LYPLA1: variants seen among roughly 807,000 people sequenced by gnomAD.
LYPLA1 encodes the protein acyl-protein thioesterase 1.
In LYPLA1, 17 loss-of-function variants were observed where a neutral mutation model predicts 34.0. That is an observed-to-expected ratio of 0.50 (90% CI 0.34 to 0.75). The LOEUF is 0.75. LYPLA1 is among the 30% of genes least tolerant of loss of function. The probability of loss-of-function intolerance (pLI) is 0.01; values close to 1 mark genes in which losing one functional copy is unlikely to be tolerated. For synonymous variants in LYPLA1, 98 were observed against 100.8 expected (o/e 0.97, Z 0.17); for missense variants, 203 against 288.8 (o/e 0.70, Z 2.15).
At chr8:54,043,589 G>A (rs547840988), downstream of LYPLA1, among the ~76,000 whole-genome samples, 2 of 150,896 alleles carry the variant, frequency 1.3e-5, no homozygotes, top group Non-Finnish European at 3.0e-5. Context: ...TATTTTTTAG[G>A]CAAAGTTTAC....
chr8:54,094,158 T>C (rs560084084), intron 2 of LYPLA1, among the ~76,000 whole-genome samples: 14 of 152,356 alleles, frequency 9.2e-5, no homozygotes, highest in African/African-American at 3.1e-4. Context: ...TATACTTTTA[T>C]AATCTCCTTG....
chr8:54,076,808 T>G (rs1807940956), intron 2 of LYPLA1, among the ~76,000 whole-genome samples: 1 of 152,160 alleles, frequency 6.6e-6, no homozygotes, highest in Non-Finnish European at 1.5e-5. Context: ...AGGGACACTT[T>G]TAATTAATTT....
Position 54,063,377 on chromosome 8 carries a change from T to TA in LYPLA1, c.168-3dup. On this transcript the variant is annotated splice_region_variant and splice_polypyrimidine_tract_variant and intron_variant, in intron 3 of 8. Coordinates refer to ENST00000316963, the MANE Select transcript of LYPLA1 (RefSeq NM_006330.4). ...TTTAATGTAACAGGCCTAACAGGCC[T>TA]ACATGGAAAAGAAAAAACAACAAAA... 1 of 1,531,680 alleles carries TA rather than the reference T, an allele frequency of 6.5e-7. No individual in the cohort carries two copies. Among genetic ancestry groups the TA allele is most frequent in the Non-Finnish European group, 8.8e-7 (1 of 1,136,450 alleles). 94.9% of individuals were successfully genotyped at this position (1,531,680 alleles called of 1,614,324 possible). A position where few individuals can be genotyped will look rare whatever the true frequency, so the allele number is the denominator to read the frequency against.
At position 54,063,344 on chromosome 8, in the gene LYPLA1, C is replaced by T. The variant is rs145050847; in HGVS notation, c.199G>A (p.Val67Met). The change falls in exon 4 of 9, where the codon GTG becomes ATG. Residue 67 changes from valine (V) to methionine (M), a missense_variant. Transcript: ENST00000316963. Reference protein sequence around the residue: ...PVRPVTLNMNVAMPSWFDIIG... With the variant: ...PVRPVTLNMNMAMPSWFDIIG... ...CTTACTTACCATGAAGGCATAGCCACGTTCATATTTAATGTAACAGGCCTA... is the reference window on the plus strand; with the variant it reads ...CTTACTTACCATGAAGGCATAGCCATGTTCATATTTAATGTAACAGGCCTA... 4.5e-5 allele frequency: 69 copies of T among 1,533,936 alleles called. No homozygotes were observed. The highest frequency in any genetic ancestry group is 4.7e-5 in the Non-Finnish European group (53 of 1,137,182).
intron 1 of LYPLA1, 83 bp downstream of exon 1, chr8:54,101,671 GC>G (rs1007114545): frequency 1.7e-6 from 2 of 1,176,668 alleles, no homozygotes; most frequent in African/African-American, 3.2e-5. Context: ...GCCGCCACGC[GC>G]CCGCAACGCC....
At chr8:54,049,172 G>A (rs902275345) in intron 8 of LYPLA1, among the ~76,000 whole-genome samples, 6 of 152,088 alleles carry the variant, frequency 3.9e-5, no homozygotes, top group African/African-American at 9.7e-5. Flanking sequence ...CTCTTTCTCC[G>A]TCCCTAAATT....
chr8:54,073,260 T>TG, intron 2 of LYPLA1: 1 of 875,052 alleles, frequency 1.1e-6, no homozygotes. Context: ...GCTGTCTGAA[T>TG]GGGGGAACCT....
chr8:54,056,250 C>T (rs1348660564), intron 5 of LYPLA1, among the ~76,000 whole-genome samples: 1 of 152,086 alleles, frequency 6.6e-6, no homozygotes, highest in Non-Finnish European at 1.5e-5. Flanking sequence ...TATCCATATG[C>T]AGAAGAATAA....
rs548353406 is a variant in LYPLA1 at position 54,099,505 on chromosome 8, C to G, written c.101+1403G>C. 1.1e-3 allele frequency among the ~76,000 whole-genome samples: 161 copies of G among 152,194 alleles called. 1 individual carries two copies. The highest frequency in any genetic ancestry group is 1.9e-3 in the Non-Finnish European group (130 of 68,008). Reference sequence around the variant, plus strand: ...CCAGCGTAACCAACATGGCAAAACTCTGTCTCTACTAAAAATACAAAAATT... The same window carrying G: ...CCAGCGTAACCAACATGGCAAAACTGTGTCTCTACTAAAAATACAAAAATT... On this transcript the variant is annotated intron_variant, in intron 2 of 8. Coordinates refer to ENST00000316963, the MANE Select transcript of LYPLA1 (RefSeq NM_006330.4).
intron 5 of LYPLA1, among the ~76,000 whole-genome samples, chr8:54,056,448 C>A (rs923704005): frequency 6.6e-6 from 1 of 152,100 alleles, no homozygotes; most frequent in Non-Finnish European, 1.5e-5. Context: ...CAAATGGGAT[C>A]ACATCAAGTT....
rs894524975 is a variant in LYPLA1, at chr8:54,047,925, T to C, written c.*140A>G. The stretch of plus-strand genomic sequence containing the variant: ...TAAATTTCTCATGAGGAGATATTAT[T>C]TGATCTGTGTTATTGGCATGTATTT... On this transcript the variant is annotated 3_prime_UTR_variant, in exon 9 of 9. Transcript: ENST00000316963. 4 of 539,188 alleles carry C rather than the reference T, an allele frequency of 7.4e-6. No homozygotes were observed. Among genetic ancestry groups the C allele is most frequent in the African/African-American group, 5.8e-5 (3 of 51,856 alleles). The allele number at this position is 539,188 out of a possible 1,614,324, so 33.4% of individuals were successfully genotyped here.
At chr8:54,097,865 T>A (rs149302860) in intron 2 of LYPLA1, among the ~76,000 whole-genome samples, 1 of 152,322 alleles carries the variant, frequency 6.6e-6, no homozygotes, top group East Asian at 1.9e-4. Context: ...ATTATAACAA[T>A]ATGACAACAT....
At chr8:54,086,196 G>GA (rs1376644357) in intron 2 of LYPLA1, among the ~76,000 whole-genome samples, 1 of 151,838 alleles carries the variant, frequency 6.6e-6, no homozygotes, top group Non-Finnish European at 1.5e-5. Context: ...GGCGGTGCAA[G>GA]ATGTGCTTTG....
chr8:54,091,706 G>A (rs1258743892), intron 2 of LYPLA1, among the ~76,000 whole-genome samples: 1 of 152,156 alleles, frequency 6.6e-6, no homozygotes, highest in Middle Eastern at 3.2e-3. Flanking sequence ...ATCTAAAAGT[G>A]TGGTCACAGA....
chr8:54,070,816 A>T (rs968262601), intron 2 of LYPLA1, among the ~76,000 whole-genome samples: 12 of 152,212 alleles, frequency 7.9e-5, no homozygotes, highest in African/African-American at 2.7e-4. Context: ...TATAGCACGG[A>T]TGAGCCTTGA....
At chr8:54,064,848 A>G (rs1806931888) in intron 3 of LYPLA1, among the ~76,000 whole-genome samples, 1 of 152,216 alleles carries the variant, frequency 6.6e-6, no homozygotes, top group Admixed American at 6.5e-5. Context: ...GGTAAAAAAT[A>G]AAATAATATT....
Position 54,047,126 on chromosome 8 carries a change from T to C in LYPLA1, c.*939A>G, listed in dbSNP as rs1805532704. 1 of 152,200 alleles carries C rather than the reference T, an allele frequency of 6.6e-6. No individual in the cohort carries two copies. Among genetic ancestry groups the C allele is most frequent in the Admixed American group, 6.5e-5 (1 of 15,286 alleles). The allele number at this position is 152,200 out of a possible 1,614,324, so 9.4% of individuals were successfully genotyped here. ...ACTAGAATATGATCTAATTATTCTT[T>C]CAGTTGTTTACAGAAAAATGAAACC... On this transcript the variant is annotated 3_prime_UTR_variant, in exon 9 of 9. Transcript: ENST00000316963.
At position 54,065,900 on chromosome 8, in the gene LYPLA1, T is replaced by G. The variant is rs1807027633; in HGVS notation, c.102-87A>C. 3.5e-6 allele frequency: 3 copies of G among 845,562 alleles called. No homozygotes were observed. In the African/African-American group the frequency reaches 5.1e-5, roughly 14 times the overall value. 52.4% of individuals were successfully genotyped at this position (845,562 alleles called of 1,614,324 possible). ...GCAGAAGAGTAGCTTTAAAAAATTGTGAAGATAAATGTTAAATCCTAAAAA... is the reference window on the plus strand; with the variant it reads ...GCAGAAGAGTAGCTTTAAAAAATTGGGAAGATAAATGTTAAATCCTAAAAA... On this transcript the variant is annotated intron_variant, in intron 2 of 8. Transcript: ENST00000316963.
At chr8:54,066,829 T>C (rs1434850699) in intron 2 of LYPLA1, among the ~76,000 whole-genome samples, 1 of 151,286 alleles carries the variant, frequency 6.6e-6, no homozygotes, top group Non-Finnish European at 1.5e-5. Context: ...CTCAGATAAA[T>C]AAACTAAATC....
Sources: gnomAD v4.1 joint callset for allele counts (sites outside exome capture counted in the v4.1 genomes callset) on GRCh38, gnomAD v4.1.1 for gene constraint, MANE v1.5 for transcripts, NCBI Gene and HGNC (gene_info 2026-07-23, HGNC 2026-07-21) for gene names.